The following MOGAT1 variants were observed in gnomAD, a reference collection of about 807,000 sequenced individuals.
MOGAT1 encodes the protein monoacylglycerol O-acyltransferase 1, also known as 2-acylglycerol O-acyltransferase 1.
Under a neutral mutation model 31.4 loss-of-function variants are expected in MOGAT1, and 32 were observed. The observed-to-expected ratio is 1.02, with a 90% CI of 0.77 to 1.37. MOGAT1 has a LOEUF of 1.37. MOGAT1 is among the 40% of genes most tolerant of loss of function. MOGAT1 has a pLI of 0.00. For missense variants in MOGAT1, 426 were observed against 402.0 expected (o/e 1.06, Z -0.51); for synonymous variants, 145 against 144.5 (o/e 1.00, Z -0.03).
chr2:222,682,650 C>G (rs1692601422), intron 1 of MOGAT1, among the ~76,000 whole-genome samples: 1 of 152,146 alleles, frequency 6.6e-6, no homozygotes, highest in Non-Finnish European at 1.5e-5. Flanking sequence ...CTGTGGCATT[C>G]ACAGTAGCCA....
chr2:222,709,307 T>G (rs1268946499), intron 5 of MOGAT1, among the ~76,000 whole-genome samples: 1 of 151,922 alleles, frequency 6.6e-6, no homozygotes, highest in Non-Finnish European at 1.5e-5. Flanking sequence ...GGTGACAGAG[T>G]AAGACTCTGT....
rs1692822483 is a variant in MOGAT1, at chr2:222,695,189, C to T, written c.754C>T (p.Gln252Ter). The change falls in exon 5 of 6, where the codon CAG becomes TAG. Residue 252 changes from glutamine to a stop codon, truncating the protein, a stop_gained. Coordinates refer to ENST00000446656, the MANE Select transcript of MOGAT1 (RefSeq NM_058165.3). LOFTEE classifies it high-confidence loss of function. ...SWIRTVQNKLQKIMGFALPLF... is the reference protein window; with the variant it reads ...SWIRTVQNKL ...GATTAGAACTGTTCAGAATAAACTG[C>T]AGAAGATCATGGGGTTTGCTTTGCC... 6.2e-7 allele frequency: 1 copy of T among 1,613,630 alleles called. No individual in the cohort carries two copies. Among genetic ancestry groups the T allele is most frequent in the East Asian group, 2.2e-5 (1 of 44,876 alleles).
At chr2:222,697,120 A>T (rs977429043) in intron 5 of MOGAT1, among the ~76,000 whole-genome samples, 1 of 152,170 alleles carries the variant, frequency 6.6e-6, no homozygotes, top group South Asian at 2.1e-4. Context: ...GAGAGCTAAA[A>T]TGAGAATGTG....
At chr2:222,687,953 T>C (rs549320545) in intron 1 of MOGAT1, among the ~76,000 whole-genome samples, 5 of 152,338 alleles carry the variant, frequency 3.3e-5, no homozygotes, top group South Asian at 2.1e-4. Flanking sequence ...CAACCACTTA[T>C]ATGCTGTGTG....
rs934030785 is a variant in MOGAT1 at position 222,694,446 on chromosome 2, G to T, written c.563G>T (p.Gly188Val). Residue 188 changes from glycine (G) to valine (V), a missense_variant, in exon 4 of 6, where the codon GGT becomes GTT. Gly to Val is a moderately radical substitution (Grantham distance 109). Coordinates refer to ENST00000446656, the MANE Select transcript of MOGAT1 (RefSeq NM_058165.3). The part of the protein sequence containing the change: ...GGNISVIVLG[G>V]AKESLDAHPG... ...AACATCTCTGTCATTGTCCTTGGGG[G>T]TGCAAAAGAATCACTGGATGCTCAT... 3 of 1,613,922 alleles carry T rather than the reference G, an allele frequency of 1.9e-6. No homozygotes were observed. The highest frequency in any genetic ancestry group is 1.7e-4 in the Middle Eastern group (1 of 6,060).
At chr2:222,694,331 T>C in intron 3 of MOGAT1, 31 bp from the exon 4 acceptor site, 3 of 1,546,228 alleles carry the variant, frequency 1.9e-6, no homozygotes, top group Non-Finnish European at 2.6e-6. Flanking sequence ...TAGAAAAGGA[T>C]AACTAGTTAC....
intron 5 of MOGAT1, among the ~76,000 whole-genome samples, chr2:222,703,665 G>A (rs1692962308): frequency 1.3e-5 from 2 of 152,136 alleles, no homozygotes; most frequent in South Asian, 4.1e-4. Context: ...AGCTTCATCT[G>A]ACACCCAGGT....
intron 1 of MOGAT1, among the ~76,000 whole-genome samples, chr2:222,682,300 A>T (rs749669191): frequency 2.6e-5 from 4 of 152,276 alleles, no homozygotes; most frequent in Non-Finnish European, 5.9e-5. Context: ...GAAATTTATC[A>T]GGGATATGAT....
intron 3 of MOGAT1, among the ~76,000 whole-genome samples, chr2:222,692,707 G>A (rs1230550543): frequency 6.6e-6 from 1 of 152,152 alleles, no homozygotes; most frequent in African/African-American, 2.4e-5. Flanking sequence ...TTGAATCCAT[G>A]GGTGTAGATG....
chr2:222,686,152 C>T (rs772574718), intron 1 of MOGAT1, among the ~76,000 whole-genome samples: 2 of 152,190 alleles, frequency 1.3e-5, no homozygotes. Context: ...CCTGCTTAAG[C>T]ACCTGTAATA....
intron 1 of MOGAT1, among the ~76,000 whole-genome samples, chr2:222,676,126 C>G (rs752041385): frequency 2.0e-5 from 3 of 151,778 alleles, no homozygotes; most frequent in Admixed American, 1.3e-4. Flanking sequence ...CCCCAACCCC[C>G]CTTCCCAAGC....
intron 1 of MOGAT1, among the ~76,000 whole-genome samples, chr2:222,684,005 G>A (rs1002861710): frequency 6.6e-6 from 1 of 152,184 alleles, no homozygotes; most frequent in African/African-American, 2.4e-5. Flanking sequence ...CAATTTAGAA[G>A]AATCAGATTA....
At chr2:222,703,674 G>C (rs896644627) in intron 5 of MOGAT1, among the ~76,000 whole-genome samples, 2 of 152,040 alleles carry the variant, frequency 1.3e-5, no homozygotes, top group African/African-American at 2.4e-5. Context: ...TGACACCCAG[G>C]TTCCTGCTCC....
chr2:222,708,811 G>A (rs771918148), intron 5 of MOGAT1, among the ~76,000 whole-genome samples: 1 of 151,842 alleles, frequency 6.6e-6, no homozygotes, highest in African/African-American at 2.4e-5. Context: ...ACATCTGTGT[G>A]TATTTGTGTA....
At chr2:222,678,121 T>A (rs559482072) in intron 1 of MOGAT1, 2 of 185,578 alleles carry the variant, frequency 1.1e-5, no homozygotes, top group Admixed American at 1.2e-4. Context: ...GTGTTATCTG[T>A]CACACACTGC....
At chr2:222,682,596 C>T (rs1354558098) in intron 1 of MOGAT1, among the ~76,000 whole-genome samples, 1 of 152,154 alleles carries the variant, frequency 6.6e-6, no homozygotes, top group Non-Finnish European at 1.5e-5. Context: ...TTGCTGGAGC[C>T]TTACTTGTTT....
intron 1 of MOGAT1, among the ~76,000 whole-genome samples, chr2:222,685,687 G>A (rs1231516845): frequency 5.0e-5 from 7 of 141,068 alleles, no homozygotes; most frequent in African/African-American, 1.9e-4. Flanking sequence ...TACAACCTCC[G>A]TCTCTTGGGT....
chr2:222,704,733 TGTTTATTATA>T (rs373114471), intron 5 of MOGAT1, among the ~76,000 whole-genome samples: 98 of 152,152 alleles, frequency 6.4e-4, no homozygotes, highest in African/African-American at 2.2e-3. Flanking sequence ...ATGGCAGGGA[TGTTTATTATA>T]CTGGTTTCAC....
chr2:222,676,319 G>A (rs1692497137), intron 1 of MOGAT1, among the ~76,000 whole-genome samples: 1 of 152,006 alleles, frequency 6.6e-6, no homozygotes, highest in African/African-American at 2.4e-5. Context: ...CCACAGATTA[G>A]TTTGCATTTT....
Sources: gnomAD v4.1 joint callset for allele counts (sites outside exome capture counted in the v4.1 genomes callset) on GRCh38, gnomAD v4.1.1 for gene constraint, MANE v1.5 for transcripts, NCBI Gene and HGNC (gene_info 2026-07-23, HGNC 2026-07-21) for gene names.